Variants in GREP1 observed in about 807,000 individuals in gnomAD.
GREP1 encodes glycine-rich extracellular protein 1.
chr16:2,992,708 G>C lies in GREP1; in HGVS notation c.323-97G>C. 1 of 397,534 alleles carries C rather than the reference G, an allele frequency of 2.5e-6. No individual in the cohort carries two copies. The highest frequency in any genetic ancestry group is 4.4e-6 in the Non-Finnish European group (1 of 225,482). The allele number at this position is 397,534 out of a possible 1,614,324, so 24.6% of individuals were successfully genotyped here. On this transcript the variant is annotated intron_variant, in intron 8 of 34. Coordinates refer to ENST00000573315, the Ensembl canonical transcript of GREP1. This position sits in a 1 kb window ranked among gnomAD's most constrained non-coding sequence, Gnocchi z 4.9. The stretch of plus-strand genomic sequence containing the variant: ...ACACAAGACAGAAAGGCAGAGGGCA[G>C]GGGTCACGCGAGACAGAAAGGGAGA...
intron 27 of GREP1, among the ~76,000 whole-genome samples, chr16:2,999,479 CTTTTT>C (rs35368761): frequency 2.0e-4 from 15 of 75,534 alleles, no homozygotes; most frequent in Admixed American, 1.5e-4. Context: ...CCCTCTTGCT[CTTTTT>C]TTTTTTTTTT....
In GREP1 at chr16:2,989,115, G is replaced by T; in HGVS notation, c.101-408G>T. ...AGAGGTGGTGAGAAGAAGAGGAGGA[G>T]ATTTCCATGAAGGGAGAGGAGCCCA... On this transcript the variant is annotated intron_variant, in intron 2 of 34. Transcript: ENST00000573315. The surrounding 1 kb of genome is among the most constrained non-coding windows in gnomAD (Gnocchi z 4.2). The T allele has an allele frequency of 4.0e-6, 1 of 251,850 alleles. No homozygotes were observed. The highest frequency in any genetic ancestry group is 7.5e-6 in the Non-Finnish European group (1 of 133,040). The allele number at this position is 251,850 out of a possible 1,614,324, so 15.6% of individuals were successfully genotyped here.
At chr16:2,993,591 C>G (rs543636089) in intron 10 of GREP1, 1 of 152,096 alleles carries the variant, frequency 6.6e-6, no homozygotes, top group Admixed American at 6.5e-5. Flanking sequence ...CACTTGAGCC[C>G]AGGAAGTCGA....
At position 2,991,338 on chromosome 16, in the gene GREP1, C is replaced by A; in HGVS notation, c.322+237C>A. The A allele has an allele frequency of 2.6e-6, 1 of 380,554 alleles. No homozygotes were observed. The highest frequency in any genetic ancestry group is 4.6e-6 in the Non-Finnish European group (1 of 215,318). 23.6% of individuals were successfully genotyped at this position (380,554 alleles called of 1,614,324 possible). Reference sequence around the variant, plus strand: ...GGCGCCTCTGGGTCCCTCAAGCCTGCCCACCCCACCGCTCATGGCCCTCAC... The same window carrying A: ...GGCGCCTCTGGGTCCCTCAAGCCTGACCACCCCACCGCTCATGGCCCTCAC... On this transcript the variant is annotated intron_variant, in intron 8 of 34. Coordinates refer to ENST00000573315, the Ensembl canonical transcript of GREP1. This position sits in a 1 kb window ranked among gnomAD's most constrained non-coding sequence, Gnocchi z 4.9.
In GREP1 at chr16:2,989,604, G is replaced by A. The variant is rs150029486; in HGVS notation, c.130+52G>A. 5.9e-3 allele frequency: 2,366 copies of A among 400,816 alleles called. 16 individuals carry two copies. Among genetic ancestry groups the A allele is most frequent in the Non-Finnish European group, 7.4e-3 (1,682 of 227,422 alleles). 24.8% of individuals were successfully genotyped at this position (400,816 alleles called of 1,614,324 possible). The stretch of plus-strand genomic sequence containing the variant: ...CGTCTGAGGGCAGGGCACGGGGCAG[G>A]GGGGAGGCAGGACAGGAACAGGGAA... On this transcript the variant is annotated intron_variant, in intron 3 of 34. Transcript: ENST00000573315. The surrounding 1 kb of genome is among the most constrained non-coding windows in gnomAD (Gnocchi z 4.2).
chr16:3,000,956 G>C (rs1263144022), intron 33 of GREP1, 129 bp downstream of exon 27: 1 of 398,712 alleles, frequency 2.5e-6, no homozygotes, highest in Non-Finnish European at 4.4e-6. Flanking sequence ...AGGGGATGGA[G>C]TGAGTGAGAA....
chr16:3,001,562 C>G (rs1324942726), exon 35 of GREP1: 2 of 399,080 alleles, frequency 5.0e-6, no homozygotes, highest in Non-Finnish European at 8.8e-6. Flanking sequence ...TCTTCCCAGG[C>G]CGCTGCCCTC....
exon 35 of GREP1, chr16:3,002,011 AT>A (rs1452946767): frequency 1.2e-5 from 2 of 170,268 alleles, no homozygotes; most frequent in Non-Finnish European, 2.5e-5. Context: ...TTAGATAAAA[AT>A]CTCATTTTCC....
intron 2 of GREP1, 57 bp downstream of exon 2, chr16:2,988,679 G>T (rs772163459): frequency 3.7e-4 from 147 of 398,856 alleles, no homozygotes; most frequent in Non-Finnish European, 5.8e-4. Context: ...TCCTGCCCTG[G>T]GGGTGTGGGA....
At chr16:3,001,078 G>C (rs1436486930) in intron 33 of GREP1, among the ~76,000 whole-genome samples, 1 of 152,100 alleles carries the variant, frequency 6.6e-6, no homozygotes, top group East Asian at 1.9e-4. Context: ...AGAAGGGGAG[G>C]TGATGGAGTT....
chr16:2,990,993 C>G lies in GREP1; in HGVS notation c.269-55C>G, dbSNP rs1025734516. The G allele has an allele frequency of 2.0e-5, 8 of 399,142 alleles. No individual in the cohort carries two copies. In the Admixed American group the frequency reaches 3.5e-4, roughly 18 times the overall value. The allele number at this position is 399,142 out of a possible 1,614,324, so 24.7% of individuals were successfully genotyped here. The stretch of plus-strand genomic sequence containing the variant: ...TCCACTTCCCACCCTCTGTCTCTGT[C>G]TCTGCTTGACGCCCCATTCCCCCTC... On this transcript the variant is annotated intron_variant, in intron 7 of 34. Transcript: ENST00000573315.
At position 2,992,854 on chromosome 16, in the gene GREP1, A is replaced by G. The variant is rs1384257228; in HGVS notation, c.352+20A>G. The G allele has an allele frequency of 7.5e-6, 3 of 398,980 alleles. No individual in the cohort carries two copies. Among genetic ancestry groups the G allele is most frequent in the African/African-American group, 6.2e-5 (3 of 48,626 alleles). The allele number at this position is 398,980 out of a possible 1,614,324, so 24.7% of individuals were successfully genotyped here. On this transcript the variant is annotated intron_variant, in intron 9 of 34. Transcript: ENST00000573315. This position sits in a 1 kb window ranked among gnomAD's most constrained non-coding sequence, Gnocchi z 4.9. Reference sequence around the variant, plus strand: ...GACCAGGTAAAGAGGGTGGGGACGGAAGCGGGGAGCCTGGGGCTGAGATTC... The same window carrying G: ...GACCAGGTAAAGAGGGTGGGGACGGGAGCGGGGAGCCTGGGGCTGAGATTC...
chr16:2,989,967 T>A lies in GREP1; in HGVS notation c.131-7T>A, dbSNP rs2072390175. 2.5e-6 allele frequency: 1 copy of A among 398,836 alleles called. No individual in the cohort carries two copies. Among genetic ancestry groups the A allele is most frequent in the African/African-American group, 2.1e-5 (1 of 48,514 alleles). The allele number at this position is 398,836 out of a possible 1,614,324, so 24.7% of individuals were successfully genotyped here. On this transcript the variant is annotated splice_polypyrimidine_tract_variant and splice_region_variant and intron_variant, in intron 3 of 34. Transcript: ENST00000573315. The surrounding 1 kb of genome is among the most constrained non-coding windows in gnomAD (Gnocchi z 4.2). The stretch of plus-strand genomic sequence containing the variant: ...GAGGGGTGTCCCTCACCTCCCTGTC[T>A]CTCCAGGCTATGATGGGGGCGTGAA...
At chr16:2,996,675 C>T (rs1264439887) in exon 20 of GREP1, 1 of 398,904 alleles carries the variant, frequency 2.5e-6, no homozygotes, top group Non-Finnish European at 4.4e-6. Flanking sequence ...TCTCCCAGGC[C>T]TAGGAGCGGG....
At chr16:2,990,252 G>T (rs1226771627) in intron 5 of GREP1, 130 bp downstream of exon 5, 2 of 397,992 alleles carry the variant, frequency 5.0e-6, no homozygotes, top group East Asian at 3.6e-5. Context: ...AGTCCAAGGG[G>T]GGGTTCAAGG....
chr16:2,996,662 G>C lies in GREP1; in HGVS notation c.713-11G>C, dbSNP rs1042997761. 4 of 399,040 alleles carry C rather than the reference G, an allele frequency of 1.0e-5. No individual in the cohort carries two copies. Among genetic ancestry groups the C allele is most frequent in the Non-Finnish European group, 1.8e-5 (4 of 226,206 alleles). The allele number at this position is 399,040 out of a possible 1,614,324, so 24.7% of individuals were successfully genotyped here. A position where few individuals can be genotyped will look rare whatever the true frequency, so the allele number is the denominator to read the frequency against. On this transcript the variant is annotated splice_polypyrimidine_tract_variant and intron_variant, in intron 19 of 34. Coordinates refer to ENST00000573315, the Ensembl canonical transcript of GREP1. ...GGCTGGAGTTGATGTCAGCCTCTCT[G>C]TCTCTCCCAGGCCTAGGAGCGGGGA...
At chr16:2,993,531 G>C (rs1466435701) in intron 10 of GREP1, 1 of 152,110 alleles carries the variant, frequency 6.6e-6, no homozygotes. Context: ...GCCAGTTGTG[G>C]TGGCACGTGC....
Position 2,989,606 on chromosome 16 carries a change from G to A in GREP1, c.130+54G>A. 2.5e-6 allele frequency: 1 copy of A among 400,788 alleles called. No individual in the cohort carries two copies. Among genetic ancestry groups the A allele is most frequent in the East Asian group, 3.6e-5 (1 of 28,122 alleles). 24.8% of individuals were successfully genotyped at this position (400,788 alleles called of 1,614,324 possible). ...TCTGAGGGCAGGGCACGGGGCAGGGGGGAGGCAGGACAGGAACAGGGAAAG... is the reference window on the plus strand; with the variant it reads ...TCTGAGGGCAGGGCACGGGGCAGGGAGGAGGCAGGACAGGAACAGGGAAAG... On this transcript the variant is annotated intron_variant, in intron 3 of 34. Coordinates refer to ENST00000573315, the Ensembl canonical transcript of GREP1. This position sits in a 1 kb window ranked among gnomAD's most constrained non-coding sequence, Gnocchi z 4.2.
intron 23 of GREP1, 133 bp downstream of exon 21, chr16:2,997,968 G>C: frequency 2.5e-6 from 1 of 393,410 alleles, no homozygotes. Context: ...CCTGTGGGAA[G>C]GAGCCCAGCC....
Sources: allele counts gnomAD v4.1 joint callset (sites outside exome capture counted in the v4.1 genomes callset), GRCh38; gene constraint gnomAD v4.1.1; non-coding constraint Gnocchi (gnomAD v3.1); transcripts MANE v1.5; gene names NCBI Gene and HGNC (gene_info 2026-07-23, HGNC 2026-07-21).